DPP6: variants seen among roughly 807,000 people sequenced by gnomAD.
DPP6 encodes the protein dipeptidyl peptidase like 6.
In DPP6, 69 loss-of-function variants were observed where a neutral mutation model predicts 122.6. The observed-to-expected ratio is 0.56, with a 90% CI of 0.46 to 0.69. The LOEUF is 0.69. Ranked by LOEUF, DPP6 falls within the 30% of genes least tolerant of loss-of-function variation. The pLI, the probability that DPP6 is intolerant of heterozygous loss-of-function variation, is 0.00. For synonymous variants in DPP6, 418 were observed against 433.1 expected (o/e 0.97, Z 0.43); for missense variants, 928 against 1,116.9 (o/e 0.83, Z 2.41).
At chr7:154,297,688 G>A (rs1805634027) in intron 1 of DPP6, among the ~76,000 whole-genome samples, 2 of 152,210 alleles carry the variant, frequency 1.3e-5, no homozygotes, top group African/African-American at 4.8e-5. Context: ...TGTAAATACA[G>A]TTTGGAGACA....
At chr7:154,290,583 A>G (rs1563422852) in intron 1 of DPP6, among the ~76,000 whole-genome samples, 1 of 151,278 alleles carries the variant, frequency 6.6e-6, no homozygotes, top group Non-Finnish European at 1.5e-5. Flanking sequence ...TGGAGGTTGC[A>G]GTGAGCCGAG....
intron 7 of DPP6, among the ~76,000 whole-genome samples, chr7:154,698,733 T>C (rs1471683302): frequency 3.3e-5 from 5 of 152,230 alleles, no homozygotes; most frequent in African/African-American, 1.2e-4. Context: ...AAAAGCTCCC[T>C]GAAGGGGAAA....
chr7:154,696,985 G>C (rs1840257121), intron 7 of DPP6, among the ~76,000 whole-genome samples: 2 of 151,870 alleles, frequency 1.3e-5, no homozygotes. Context: ...ATTCTACAAA[G>C]ACCCTGACAC....
At chr7:154,708,916 C>T (rs1840987686) in intron 7 of DPP6, among the ~76,000 whole-genome samples, 1 of 151,970 alleles carries the variant, frequency 6.6e-6, no homozygotes, top group South Asian at 2.1e-4. Context: ...GGCATGGTGG[C>T]ACATGTCTGT....
chr7:154,428,764 G>A (rs1357975176), intron 1 of DPP6, among the ~76,000 whole-genome samples: 2 of 152,160 alleles, frequency 1.3e-5, no homozygotes, highest in African/African-American at 2.4e-5. Context: ...ACCTAATATT[G>A]TTATGTTCTC....
chr7:154,245,635 C>CAAA (rs71182888), intron 1 of DPP6, among the ~76,000 whole-genome samples: 1 of 100,668 alleles, frequency 9.9e-6, no homozygotes, highest in Non-Finnish European at 2.0e-5. Flanking sequence ...AAGACTGTCT[C>CAAA]AAAAAAAAAA....
chr7:154,086,233 C>G (rs985673748), intron 1 of DPP6, among the ~76,000 whole-genome samples: 15 of 151,086 alleles, frequency 9.9e-5, no homozygotes, highest in Non-Finnish European at 1.9e-4. Flanking sequence ...TTCAGAGACC[C>G]TGGGTGAGCA....
At chr7:153,772,537 C>G in the DPP6 span, among the ~76,000 whole-genome samples, 4 of 151,628 alleles carry the variant, frequency 2.6e-5, no homozygotes, top group East Asian at 7.8e-4. Flanking sequence ...AAGCAAAAAT[C>G]AGAAAAAGAA....
intron 7 of DPP6, among the ~76,000 whole-genome samples, chr7:154,694,378 G>A (rs192826771): frequency 7.4e-4 from 113 of 152,238 alleles, no homozygotes; most frequent in Admixed American, 3.1e-3. Context: ...TTGGGAGGCC[G>A]AGGTGGGTGG....
In DPP6 at chr7:154,474,826, G is replaced by A. The variant is rs560217379; in HGVS notation, c.359-113G>A. ...CTTTTATCCCCATTCACTTATGGAC[G>A]TCATGTGTGTTCCCATCCATACTAT... On this transcript the variant is annotated intron_variant, in intron 2 of 25. Transcript: ENST00000377770. The A allele has an allele frequency of 9.2e-6, 7 of 758,724 alleles. 1 individual carries two copies. The highest frequency in any genetic ancestry group is 3.5e-5 in the African/African-American group (2 of 57,354). The allele number at this position is 758,724 out of a possible 1,614,324, so 47.0% of individuals were successfully genotyped here. A position where few individuals can be genotyped will look rare whatever the true frequency, so the allele number is the denominator to read the frequency against.
At chr7:154,691,128 C>T (rs954606323) in intron 7 of DPP6, among the ~76,000 whole-genome samples, 3 of 152,088 alleles carry the variant, frequency 2.0e-5, no homozygotes, top group South Asian at 2.1e-4. Flanking sequence ...ATACAATGTA[C>T]GGGGAAGGCT....
Position 154,052,783 on chromosome 7 carries a change from A to C in DPP6, c.-38A>C. ...GAACCGGAGAGAAAGCAAAATATTA[A>C]AAAGCCCCAAAGACAGCCAGCAGGA... On this transcript the variant is annotated 5_prime_UTR_variant, in exon 1 of 26. Transcript: ENST00000377770. This position sits in a 1 kb window ranked among gnomAD's most constrained non-coding sequence, Gnocchi z 4.8. 6.8e-7 allele frequency: 1 copy of C among 1,463,240 alleles called. No individual in the cohort carries two copies. Among genetic ancestry groups the C allele is most frequent in the Non-Finnish European group, 9.1e-7 (1 of 1,099,644 alleles). The allele number at this position is 1,463,240 out of a possible 1,614,324, so 90.6% of individuals were successfully genotyped here. A position where few individuals can be genotyped will look rare whatever the true frequency, so the allele number is the denominator to read the frequency against.
At chr7:154,753,657 G>A (rs913986277) in intron 8 of DPP6, among the ~76,000 whole-genome samples, 2 of 152,150 alleles carry the variant, frequency 1.3e-5, no homozygotes, top group African/African-American at 2.4e-5. Context: ...TCCCCACAGC[G>A]ACTTCTGCTT....
intron 1 of DPP6, among the ~76,000 whole-genome samples, chr7:154,125,390 C>G (rs561991480): frequency 1.2e-4 from 18 of 152,088 alleles, no homozygotes; most frequent in Non-Finnish European, 2.5e-4. Flanking sequence ...AATTACGTTC[C>G]TTTTACTTTT....
chr7:153,821,281 T>C, the DPP6 span, among the ~76,000 whole-genome samples: 1 of 150,574 alleles, frequency 6.6e-6, no homozygotes, highest in Non-Finnish European at 1.5e-5. Flanking sequence ...AATATTCATA[T>C]TTTTAAGAGG....
intron 6 of DPP6, among the ~76,000 whole-genome samples, chr7:154,659,220 G>T (rs989323698): frequency 1.3e-5 from 2 of 152,230 alleles, no homozygotes; most frequent in East Asian, 1.9e-4. Flanking sequence ...TTTCCCACCT[G>T]ACACAGGGAT....
At chr7:154,150,328 G>A (rs1264756655) in intron 1 of DPP6, among the ~76,000 whole-genome samples, 2 of 152,134 alleles carry the variant, frequency 1.3e-5, no homozygotes, top group East Asian at 3.9e-4. Context: ...GGAAGCCCTG[G>A]AAACAGCCAA....
intron 17 of DPP6, among the ~76,000 whole-genome samples, chr7:154,858,036 C>G (rs975347251): frequency 6.6e-6 from 1 of 152,158 alleles, no homozygotes; most frequent in African/African-American, 2.4e-5. Context: ...TGTACTTGTT[C>G]CATTTGATGC....
chr7:154,189,921 G>A lies in DPP6; in HGVS notation c.243+136858G>A, dbSNP rs533982863. Among the ~76,000 whole-genome samples the A allele has an allele frequency of 1.2e-4, 18 of 152,302 alleles. 1 individual carries two copies. In the South Asian group the frequency reaches 3.1e-3, roughly 26 times the overall value. On this transcript the variant is annotated intron_variant, in intron 1 of 25. Coordinates refer to ENST00000377770, the MANE Select transcript of DPP6 (RefSeq NM_130797.4). ...TTACAATGAGTCATTTTGATGGCCAGTAACACCACCCATGGCTTCTTCTTT... is the reference window on the plus strand; with the variant it reads ...TTACAATGAGTCATTTTGATGGCCAATAACACCACCCATGGCTTCTTCTTT...
Sources: allele counts gnomAD v4.1 joint callset (sites outside exome capture counted in the v4.1 genomes callset), GRCh38; gene constraint gnomAD v4.1.1; non-coding constraint Gnocchi (gnomAD v3.1); transcripts MANE v1.5; gene names NCBI Gene and HGNC (gene_info 2026-07-23, HGNC 2026-07-21).